SCUBE1: variants seen among roughly 807,000 people sequenced by gnomAD.
SCUBE1 encodes signal peptide, CUB domain and EGF like domain containing 1, also known as signal peptide, CUB and EGF-like domain-containing protein 1.
In SCUBE1, 59 loss-of-function variants were observed where a neutral mutation model predicts 124.4. That is an observed-to-expected ratio of 0.47 (90% CI 0.38 to 0.59). SCUBE1 has a LOEUF of 0.59. SCUBE1 is among the 20% of genes least tolerant of loss of function. The probability of loss-of-function intolerance (pLI) is 0.00; values close to 1 mark genes in which losing one functional copy is unlikely to be tolerated. For missense variants in SCUBE1, 1,150 were observed against 1,371.2 expected (o/e 0.84, Z 2.55); for synonymous variants, 545 against 550.9 (o/e 0.99, Z 0.15).
chr22:43,246,821 C>G (rs1231023102), intron 6 of SCUBE1, among the ~76,000 whole-genome samples: 1 of 152,178 alleles, frequency 6.6e-6, no homozygotes, highest in Non-Finnish European at 1.5e-5. Context: ...GGTGGGCCTC[C>G]GGCAGTGATG....
At chr22:43,260,309 C>G (rs373572274) in intron 5 of SCUBE1, among the ~76,000 whole-genome samples, 7 of 152,234 alleles carry the variant, frequency 4.6e-5, no homozygotes, top group African/African-American at 1.7e-4. Flanking sequence ...AAAGGTCGAG[C>G]CTTCGAATAC....
chr22:43,290,641 C>T (rs996772027), intron 4 of SCUBE1, among the ~76,000 whole-genome samples: 5 of 152,202 alleles, frequency 3.3e-5, no homozygotes, highest in African/African-American at 1.2e-4. Context: ...AGCAGGGAGT[C>T]GCTGGTGCTG....
At chr22:43,282,129 C>T (rs59052863) in intron 4 of SCUBE1, 5,457 of 152,876 alleles carry the variant, frequency 0.036, 204 homozygotes, top group African/African-American at 0.09. Flanking sequence ...AGGCAGTGGC[C>T]CCAGGGTCTC....
intron 4 of SCUBE1, among the ~76,000 whole-genome samples, chr22:43,271,882 T>C (rs553276521): frequency 6.6e-6 from 1 of 152,292 alleles, no homozygotes; most frequent in African/African-American, 2.4e-5. Context: ...AACATCTCAA[T>C]GACCAAGTGC....
At chr22:43,339,834 GCATCA>G in intron 1 of SCUBE1, among the ~76,000 whole-genome samples, 1 of 73,964 alleles carries the variant, frequency 1.4e-5, no homozygotes, top group Admixed American at 2.0e-4. Flanking sequence ...CCCCCCACAA[GCATCA>G]CTCCAGCCCT....
intron 3 of SCUBE1, among the ~76,000 whole-genome samples, chr22:43,297,497 G>A (rs540931927): frequency 2.6e-4 from 39 of 152,252 alleles, no homozygotes; most frequent in Non-Finnish European, 4.3e-4. Flanking sequence ...CCTCACAGGC[G>A]CAGGCCACCT....
Position 43,200,239 on chromosome 22 carries a change from C to T in SCUBE1, c.*3758G>A, listed in dbSNP as rs138979. ...GGCAGTGCAGGGACTCCCAGCAGCC[C>T]GCTTGCTTCTTGGCTCCTCTCCCTG... On this transcript the variant is annotated 3_prime_UTR_variant, in exon 22 of 22. Transcript: ENST00000360835. 108,950 of 152,272 alleles carry T rather than the reference C, an allele frequency of 0.72. 39,285 individuals are homozygous for T. The highest frequency in any genetic ancestry group is 0.77 in the Middle Eastern group (225 of 294). 9.4% of individuals were successfully genotyped at this position (152,272 alleles called of 1,614,324 possible).
chr22:43,272,576 G>T (rs1427074295), intron 4 of SCUBE1: 1 of 152,216 alleles, frequency 6.6e-6, no homozygotes, highest in African/African-American at 2.4e-5. Context: ...TTCCAGGCAG[G>T]CGCAGGCCTT....
At chr22:43,302,086 T>C (rs1925794991) in intron 3 of SCUBE1, among the ~76,000 whole-genome samples, 1 of 152,216 alleles carries the variant, frequency 6.6e-6, no homozygotes, top group Admixed American at 6.5e-5. Context: ...CATCAGGAGA[T>C]GCCAGAGAAG....
At chr22:43,214,046 C>CCGGGGGGGGGGGGGGGGG in intron 16 of SCUBE1, 44 bp downstream of exon 16, 3 of 422,702 alleles carry the variant, frequency 7.1e-6, no homozygotes, top group Non-Finnish European at 1.2e-5. Flanking sequence ...GAGGAGCCCC[C>CCGGGGGGGGGGGGGGGGG]GCCCACCCCC....
At position 43,290,994 on chromosome 22, in the gene SCUBE1, G is replaced by GGGCT. The variant is rs762406199; in HGVS notation, c.484+48_484+51dup. ...TGAGATGTGGAGAAGGGGACTCTGGGGGCTGCCCATCCTGGGGGGGGACAT... is the reference window on the plus strand; with the variant it reads ...TGAGATGTGGAGAAGGGGACTCTGGGGGCTGGCTGCCCATCCTGGGGGGGGACAT... On this transcript the variant is annotated intron_variant, in intron 4 of 21. Coordinates refer to ENST00000360835, the MANE Select transcript of SCUBE1 (RefSeq NM_173050.5). 2.3e-5 allele frequency: 35 copies of GGGCT among 1,512,302 alleles called. No individual in the cohort carries two copies. In the East Asian group the frequency reaches 2.9e-4, roughly 13 times the overall value. The allele number at this position is 1,512,302 out of a possible 1,614,324, so 93.7% of individuals were successfully genotyped here. A position where few individuals can be genotyped will look rare whatever the true frequency, so the allele number is the denominator to read the frequency against.
At chr22:43,215,247 G>C (rs1921759679) in intron 15 of SCUBE1, among the ~76,000 whole-genome samples, 1 of 152,220 alleles carries the variant, frequency 6.6e-6, no homozygotes, top group Non-Finnish European at 1.5e-5. Context: ...AGCCAGCTTG[G>C]TGGGGCATCC....
At chr22:43,339,381 G>GTC in intron 1 of SCUBE1, 146 bp from the exon 2 acceptor site, 2 of 742,464 alleles carry the variant, frequency 2.7e-6, no homozygotes, top group Non-Finnish European at 4.3e-6. Flanking sequence ...AGGACAATCT[G>GTC]GTGTGACAAG....
At chr22:43,342,668 T>A (rs1436285924) in intron 1 of SCUBE1, among the ~76,000 whole-genome samples, 1 of 151,828 alleles carries the variant, frequency 6.6e-6, no homozygotes, top group Non-Finnish European at 1.5e-5. Flanking sequence ...TCCGCATCTG[T>A]CTTTTCTCCG....
chr22:43,232,380 G>C (rs1271522319), intron 7 of SCUBE1: 1 of 156,832 alleles, frequency 6.4e-6, no homozygotes, highest in Non-Finnish European at 1.4e-5. Flanking sequence ...CGAGGACTAG[G>C]TGAAAAAACA....
At chr22:43,301,786 G>A (rs1037283910) in intron 3 of SCUBE1, among the ~76,000 whole-genome samples, 4 of 152,230 alleles carry the variant, frequency 2.6e-5, no homozygotes, top group Admixed American at 2.6e-4. Context: ...AACAGTGCAC[G>A]GGGCACATGA....
At chr22:43,289,204 T>A (rs1025859284) in intron 4 of SCUBE1, among the ~76,000 whole-genome samples, 1 of 152,222 alleles carries the variant, frequency 6.6e-6, no homozygotes, top group Admixed American at 6.5e-5. Flanking sequence ...CCTCCCTGGA[T>A]GAAAGCAGAG....
intron 2 of SCUBE1, 104 bp downstream of exon 2, chr22:43,339,000 G>T: frequency 1.5e-6 from 2 of 1,352,156 alleles, no homozygotes; most frequent in Non-Finnish European, 2.1e-6. Context: ...CAATGGTGGT[G>T]CTGGAGGCTC....
intron 4 of SCUBE1, among the ~76,000 whole-genome samples, chr22:43,287,515 G>A (rs192942043): frequency 9.1e-4 from 138 of 152,322 alleles, no homozygotes; most frequent in African/African-American, 3.1e-3. Context: ...GTGCTCTGGC[G>A]CCTAGAAAGC....
Sources: gnomAD v4.1 joint callset for allele counts (sites outside exome capture counted in the v4.1 genomes callset) on GRCh38, gnomAD v4.1.1 for gene constraint, MANE v1.5 for transcripts, NCBI Gene and HGNC (gene_info 2026-07-23, HGNC 2026-07-21) for gene names.